The following GRK3 variants were observed in gnomAD, a reference collection of about 807,000 sequenced individuals.
The protein encoded by GRK3 is adrenergic, beta, receptor kinase 2.
GRK3 carries 54 observed loss-of-function variants against 95.7 expected under a neutral mutation model. The ratio of observed to expected loss-of-function variants is 0.56; its 90% CI spans 0.45 to 0.71. The LOEUF is 0.71. Among genes scored for constraint, GRK3 ranks in the 30% least tolerant of loss-of-function variants. GRK3 has a pLI of 0.00. For synonymous variants in GRK3, 281 were observed against 290.8 expected, an observed-to-expected ratio of 0.97 and a Z score of 0.34; for missense variants, 649 against 851.2, an observed-to-expected ratio of 0.76 and a Z score of 2.96.
intron 3 of GRK3, among the ~76,000 whole-genome samples, chr22:25,652,483 C>T (rs78125727): frequency 2.6e-3 from 402 of 152,146 alleles, no homozygotes; most frequent in African/African-American, 9.2e-3. Context: ...TCGTGTTTCT[C>T]GAGCTTAAAA....
Position 25,641,348 on chromosome 22 carries a change from T to A in GRK3, c.191-3244T>A, listed in dbSNP as rs5761148. 7.9e-4 allele frequency among the ~76,000 whole-genome samples: 121 copies of A among 152,218 alleles called. 2 individuals are homozygous for A. The East Asian group carries it at 0.022, about 28-fold the overall frequency. On this transcript the variant is annotated intron_variant, in intron 2 of 20. Transcript: ENST00000324198. ...CCTTCCTCCTTTCCCCCGACTTCCC[T>A]CCCTCTCCTTGTACCTTTGCTCTTT...
intron 13 of GRK3, chr22:25,703,064 C>A (rs1569203210): frequency 6.0e-6 from 2 of 335,852 alleles, no homozygotes; most frequent in South Asian, 2.3e-5. Flanking sequence ...CATTTCATCT[C>A]CTTCATGTTT....
At chr22:25,580,213 A>G (rs537335065) in intron 1 of GRK3, 1 of 152,336 alleles carries the variant, frequency 6.6e-6, no homozygotes, top group South Asian at 2.1e-4. Context: ...TCAGGGGGTC[A>G]CTGCAGATAA....
At position 25,604,361 on chromosome 22, in the gene GRK3, C is replaced by T. The variant is rs758941338; in HGVS notation, c.114-16C>T. 1.9e-6 allele frequency: 3 copies of T among 1,596,448 alleles called. No homozygotes were observed. The highest frequency in any genetic ancestry group is 2.6e-6 in the Non-Finnish European group (3 of 1,168,984). On this transcript the variant is annotated splice_polypyrimidine_tract_variant and intron_variant, in intron 1 of 20. Transcript: ENST00000324198. ...GTAGGCTGTATTGTTAAAAATGTGT[C>T]ACTCTTCCCTTCCAGTATCCGGAGT...
At chr22:25,682,258 G>A (rs908214535) in intron 9 of GRK3, among the ~76,000 whole-genome samples, 5 of 152,170 alleles carry the variant, frequency 3.3e-5, no homozygotes, top group Non-Finnish European at 7.3e-5. Flanking sequence ...AGTGCAATGC[G>A]GGCTGGAGCA....
intron 1 of GRK3, among the ~76,000 whole-genome samples, chr22:25,585,963 C>T (rs1356844109): frequency 1.3e-5 from 2 of 152,284 alleles, no homozygotes; most frequent in Non-Finnish European, 2.9e-5. Flanking sequence ...GGGGAAGGCT[C>T]CACGGTGTTG....
At position 25,663,671 on chromosome 22, in the gene GRK3, A is replaced by G; in HGVS notation, c.408A>G (p.Leu136=). 6.2e-7 allele frequency: 1 copy of G among 1,611,962 alleles called. No homozygotes were observed. The highest frequency in any genetic ancestry group is 8.5e-7 in the Non-Finnish European group (1 of 1,178,914). ...KQAVEHVQSH[L]SKKQVTSTLF... ...CTGTAGAACACGTACAAAGTCATTT[A>G]TCCAAGAAACAAGTGACATCAACTC... Residue 136 remains leucine, a synonymous_variant, in exon 5 of 21, where the codon TTA becomes TTG. Transcript: ENST00000324198.
intron 1 of GRK3, among the ~76,000 whole-genome samples, chr22:25,599,979 C>T (rs1160572302): frequency 6.6e-6 from 1 of 152,086 alleles, no homozygotes; most frequent in Non-Finnish European, 1.5e-5. Context: ...AACATATTTA[C>T]CATATGATCT....
chr22:25,647,461 G>A (rs922520576), intron 3 of GRK3: 25 of 1,322,882 alleles, frequency 1.9e-5, no homozygotes, highest in South Asian at 1.2e-5. Flanking sequence ...GATCCTCAGG[G>A]GTAACACCTT....
chr22:25,692,838 C>T (rs546019408), intron 12 of GRK3, among the ~76,000 whole-genome samples: 1 of 152,300 alleles, frequency 6.6e-6, no homozygotes, highest in East Asian at 1.9e-4. Context: ...GGATGAACTC[C>T]CTGAGGCTTT....
chr22:25,704,600 G>A (rs981549063), intron 15 of GRK3, among the ~76,000 whole-genome samples: 1 of 152,104 alleles, frequency 6.6e-6, no homozygotes, highest in South Asian at 2.1e-4. Flanking sequence ...TAGTAGAGAC[G>A]GGGTTTTCCT....
chr22:25,620,051 T>TGTGTGG (rs2084572122), intron 2 of GRK3, among the ~76,000 whole-genome samples: 1 of 146,168 alleles, frequency 6.8e-6, no homozygotes, highest in African/African-American at 2.6e-5. Flanking sequence ...TGTGTGTGTG[T>TGTGTGG]GTGTGTGGTT....
chr22:25,638,704 C>G (rs1288757529), intron 2 of GRK3, among the ~76,000 whole-genome samples: 2 of 152,202 alleles, frequency 1.3e-5, no homozygotes, highest in Non-Finnish European at 2.9e-5. Context: ...TAGTGTGGAT[C>G]CCCTTGGCAG....
chr22:25,644,364 G>A (rs1457543286), intron 2 of GRK3, among the ~76,000 whole-genome samples: 1 of 151,986 alleles, frequency 6.6e-6, no homozygotes, highest in Non-Finnish European at 1.5e-5. Flanking sequence ...GGGTGAACAT[G>A]AATAGAGAAG....
chr22:25,717,316 T>G (rs1025470363), intron 18 of GRK3, among the ~76,000 whole-genome samples: 4 of 152,166 alleles, frequency 2.6e-5, no homozygotes, highest in African/African-American at 9.7e-5. Context: ...ATTTCGGAAA[T>G]GCAAGCACTT....
intron 3 of GRK3, among the ~76,000 whole-genome samples, chr22:25,653,769 C>T (rs1381637052): frequency 1.3e-5 from 2 of 152,180 alleles, no homozygotes; most frequent in African/African-American, 4.8e-5. Flanking sequence ...CGGCTCACTG[C>T]AACCTGTCTC....
At chr22:25,621,547 C>A (rs1050800318) in intron 2 of GRK3, among the ~76,000 whole-genome samples, 2 of 151,994 alleles carry the variant, frequency 1.3e-5, no homozygotes, top group Non-Finnish European at 2.9e-5. Context: ...TATATGATAA[C>A]CTTTGGAGCA....
chr22:25,699,779 A>G (rs1477574807), intron 13 of GRK3, among the ~76,000 whole-genome samples: 1 of 150,016 alleles, frequency 6.7e-6, no homozygotes, highest in Non-Finnish European at 1.5e-5. Flanking sequence ...GCTCACTGCA[A>G]CCTCTGCCTC....
intron 1 of GRK3, among the ~76,000 whole-genome samples, chr22:25,601,177 A>G (rs2084407277): frequency 6.6e-6 from 1 of 152,224 alleles, no homozygotes; most frequent in Non-Finnish European, 1.5e-5. Context: ...GTTGGTGTTT[A>G]TGAATCAGTC....
Sources: allele counts gnomAD v4.1 joint callset (sites outside exome capture counted in the v4.1 genomes callset), GRCh38; gene constraint gnomAD v4.1.1; transcripts MANE v1.5; gene names NCBI Gene and HGNC (gene_info 2026-07-23, HGNC 2026-07-21).